Variants in MAP2 observed in about 807,000 individuals in gnomAD.
MAP2 encodes the protein microtubule associated protein 2.
In MAP2, 14 loss-of-function variants were observed where a neutral mutation model predicts 137.6. The observed-to-expected ratio is 0.10, with a 90% CI of 0.07 to 0.16. The LOEUF is 0.16. Ranked by LOEUF, MAP2 falls within the 10% of genes least tolerant of loss-of-function variation. The pLI is 1.00. For synonymous variants in MAP2, 786 were observed against 782.3 expected (o/e 1.00, Z -0.08); for missense variants, 2,088 against 2,191.5 (o/e 0.95, Z 0.94).
intron 5 of MAP2, among the ~76,000 whole-genome samples, chr2:209,669,776 TAC>T (rs150279331): frequency 6.6e-6 from 1 of 150,758 alleles, no homozygotes; most frequent in Admixed American, 6.6e-5. Context: ...AACATGTGCA[TAC>T]ACACACACAC....
rs1182739604 is a variant in MAP2, at chr2:209,438,390, A to G, written c.-222+14114A>G. ...TTTTTGCATTACAAAATATTTCAAA[A>G]ACATGAGAGCAGCCACTGGAAACTT... On this transcript the variant is annotated intron_variant, in intron 1 of 15. Coordinates refer to ENST00000682079, the MANE Select transcript of MAP2 (RefSeq NM_001375505.1). 2.6e-5 allele frequency among the ~76,000 whole-genome samples: 4 copies of G among 151,668 alleles called. No individual in the cohort carries two copies. The East Asian group carries it at 7.7e-4, about 29-fold the overall frequency.
At chr2:209,440,853 A>G (rs1697588555) in intron 1 of MAP2, among the ~76,000 whole-genome samples, 2 of 151,452 alleles carry the variant, frequency 1.3e-5, no homozygotes, top group South Asian at 4.1e-4. Context: ...ACAATCCCAC[A>G]TCCTTGCCCT....
intron 5 of MAP2, among the ~76,000 whole-genome samples, chr2:209,665,226 A>G (rs987284286): frequency 3.6e-4 from 55 of 152,186 alleles, no homozygotes; most frequent in Admixed American, 1.2e-3. Flanking sequence ...AAGATATCAA[A>G]TTGGAGATAT....
intron 13 of MAP2, among the ~76,000 whole-genome samples, chr2:209,723,988 T>A (rs2072694892): frequency 6.6e-6 from 1 of 152,224 alleles, no homozygotes; most frequent in Non-Finnish European, 1.5e-5. Context: ...TTGCTGGCCT[T>A]CTTGTCTTCA....
intron 13 of MAP2, among the ~76,000 whole-genome samples, chr2:209,719,137 G>T (rs926747948): frequency 6.6e-6 from 1 of 152,180 alleles, no homozygotes; most frequent in African/African-American, 2.4e-5. Context: ...TTAATCCCCT[G>T]CAAGGTTAAA....
chr2:209,632,612 G>A (rs549139446), intron 4 of MAP2, among the ~76,000 whole-genome samples: 1 of 152,226 alleles, frequency 6.6e-6, no homozygotes, highest in African/African-American at 2.4e-5. Flanking sequence ...CTCTGGCCAT[G>A]CCCATCCAGA....
At chr2:209,674,624 T>C (rs1329627668) in intron 5 of MAP2, among the ~76,000 whole-genome samples, 1 of 143,226 alleles carries the variant, frequency 7.0e-6, no homozygotes, top group East Asian at 2.0e-4. Context: ...TATAGATAGA[T>C]GGATGGATGG....
chr2:209,682,720 G>A (rs115754955), intron 7 of MAP2, among the ~76,000 whole-genome samples: 3,197 of 152,122 alleles, frequency 0.021, 107 homozygotes, highest in African/African-American at 0.071. Context: ...GCACAAGGGC[G>A]CTCAGGTGCC....
intron 2 of MAP2, among the ~76,000 whole-genome samples, chr2:209,559,238 TC>T (rs1033443455): frequency 2.6e-5 from 4 of 151,950 alleles, no homozygotes; most frequent in African/African-American, 7.3e-5. Flanking sequence ...CTTCCCTCCC[TC>T]CCTCTGTTAG....
intron 13 of MAP2, among the ~76,000 whole-genome samples, chr2:209,716,356 G>A (rs984325072): frequency 1.1e-4 from 16 of 152,284 alleles, no homozygotes; most frequent in South Asian, 1.0e-3. Flanking sequence ...TAGTGACACC[G>A]TTGAATGATT....
chr2:209,612,792 A>T (rs2087432606), intron 3 of MAP2, among the ~76,000 whole-genome samples: 1 of 152,220 alleles, frequency 6.6e-6, no homozygotes, highest in Non-Finnish European at 1.5e-5. Context: ...TGACATGGAA[A>T]CATAGTATTA....
intron 4 of MAP2, among the ~76,000 whole-genome samples, chr2:209,639,593 A>G (rs2093846966): frequency 6.6e-6 from 1 of 151,932 alleles, no homozygotes. Flanking sequence ...CGAGTGTACC[A>G]TTTTCTTTTC....
chr2:209,565,550 A>G (rs1480631739), intron 2 of MAP2, among the ~76,000 whole-genome samples: 9 of 152,140 alleles, frequency 5.9e-5, no homozygotes, highest in African/African-American at 1.4e-4. Flanking sequence ...AGATTGAATT[A>G]TATCTGTATT....
At chr2:209,622,043 T>C (rs1421215420) in intron 3 of MAP2, among the ~76,000 whole-genome samples, 3 of 152,198 alleles carry the variant, frequency 2.0e-5, no homozygotes, top group Admixed American at 6.5e-5. Flanking sequence ...TTAAATATAA[T>C]TGTTAAGCAG....
intron 7 of MAP2, among the ~76,000 whole-genome samples, chr2:209,691,601 G>A (rs972676159): frequency 3.9e-5 from 6 of 152,074 alleles, no homozygotes; most frequent in African/African-American, 1.4e-4. Context: ...TAGCTCTAAT[G>A]ACCACAGTGA....
In MAP2 at chr2:209,620,645, T is replaced by C. The variant is rs1025087526; in HGVS notation, c.-106-4408T>C. On this transcript the variant is annotated intron_variant, in intron 3 of 15. Transcript: ENST00000682079. ...TGGTTTAGTAGCATGTTAGACTAAA[T>C]GATTTTATGTTGGCATCTGCTTTCC... 2.0e-5 allele frequency among the ~76,000 whole-genome samples: 3 copies of C among 152,198 alleles called. No individual in the cohort carries two copies. In the East Asian group the frequency reaches 5.8e-4, roughly 29 times the overall value.
chr2:209,620,816 G>A (rs893465501), intron 3 of MAP2, among the ~76,000 whole-genome samples: 4 of 152,176 alleles, frequency 2.6e-5, no homozygotes, highest in Non-Finnish European at 5.9e-5. Context: ...GATAGTGGAG[G>A]TGGAGTACAA....
At chr2:209,617,159 C>T (rs1441963982) in intron 3 of MAP2, among the ~76,000 whole-genome samples, 3 of 152,042 alleles carry the variant, frequency 2.0e-5, no homozygotes, top group Non-Finnish European at 2.9e-5. Flanking sequence ...CCTTAAGGAA[C>T]AGGGATTCTA....
rs376263721 is a variant in MAP2, at chr2:209,694,417, C to T, written c.2247C>T (p.Thr749=). The T allele has an allele frequency of 5.0e-6, 8 of 1,613,952 alleles. No homozygotes were observed. The highest frequency in any genetic ancestry group is 2.7e-5 in the African/African-American group (2 of 74,906). The stretch of plus-strand genomic sequence containing the variant: ...AAGGGGATGATTACCTTCCAGCCAC[C>T]ACACCTGCACTGGAGAAAGCCCCTT... ...MDEGDDYLPA[T]TPALEKAPCF... The change falls in exon 8 of 16, where the codon ACC becomes ACT. Residue 749 remains threonine, a synonymous_variant. Transcript: ENST00000682079.
Sources: allele counts gnomAD v4.1 joint callset (sites outside exome capture counted in the v4.1 genomes callset), GRCh38; gene constraint gnomAD v4.1.1; transcripts MANE v1.5; gene names NCBI Gene and HGNC (gene_info 2026-07-23, HGNC 2026-07-21).